The following NKAIN2 variants were observed in gnomAD, a reference collection of about 807,000 sequenced individuals.
NKAIN2 encodes the protein sodium/potassium-transporting ATPase subunit beta-1-interacting protein 2.
In NKAIN2, 14 loss-of-function variants were observed where a neutral mutation model predicts 32.6. The observed-to-expected ratio is 0.43, with a 90% confidence interval of 0.28 to 0.67. NKAIN2 has a LOEUF of 0.67. NKAIN2 is among the 30% of genes least tolerant of loss of function. NKAIN2 has a pLI of 0.17. For missense variants in NKAIN2, 198 were observed against 258.3 expected (o/e 0.77, Z 1.60); for synonymous variants, 80 against 87.2 (o/e 0.92, Z 0.46).
At chr6:123,870,626 T>C (rs548358943) in intron 1 of NKAIN2, among the ~76,000 whole-genome samples, 10 of 152,352 alleles carry the variant, frequency 6.6e-5, no homozygotes, top group African/African-American at 2.4e-4. Context: ...TATTAAACAC[T>C]GAATAAATGT....
intron 3 of NKAIN2, among the ~76,000 whole-genome samples, chr6:124,366,016 G>T (rs1799501561): frequency 6.6e-6 from 1 of 151,812 alleles, no homozygotes; most frequent in African/African-American, 2.4e-5. Flanking sequence ...CTTAAAGAGA[G>T]ATATTAAAAG....
chr6:124,028,800 T>C (rs139612798), intron 1 of NKAIN2, among the ~76,000 whole-genome samples: 3,520 of 147,622 alleles, frequency 0.024, 71 homozygotes, highest in Non-Finnish European at 0.034. Flanking sequence ...TACGTGTATA[T>C]ACGTATATAT....
At chr6:124,420,112 T>C (rs1049029386) in intron 3 of NKAIN2, among the ~76,000 whole-genome samples, 1 of 152,024 alleles carries the variant, frequency 6.6e-6, no homozygotes, top group Non-Finnish European at 1.5e-5. Context: ...AAAAGAAAAA[T>C]CAAACAATAA....
chr6:124,626,217 A>G (rs1223004180), intron 3 of NKAIN2, among the ~76,000 whole-genome samples: 1 of 151,374 alleles, frequency 6.6e-6, no homozygotes, highest in African/African-American at 2.4e-5. Context: ...AGTAATTGCC[A>G]TGGTCTGAAC....
intron 1 of NKAIN2, among the ~76,000 whole-genome samples, chr6:124,148,317 AT>A (rs2114375510): frequency 6.6e-6 from 1 of 152,058 alleles, no homozygotes; most frequent in African/African-American, 2.4e-5. Flanking sequence ...TTTTTAGTAT[AT>A]TTACAAAGTT....
chr6:124,257,245 A>G (rs922101067), intron 1 of NKAIN2, among the ~76,000 whole-genome samples: 19 of 152,044 alleles, frequency 1.2e-4, no homozygotes, highest in African/African-American at 4.6e-4. Flanking sequence ...GGGAATCTCT[A>G]GCTTCAAGCC....
chr6:124,017,792 C>G (rs777196525), intron 1 of NKAIN2, among the ~76,000 whole-genome samples: 1 of 152,094 alleles, frequency 6.6e-6, no homozygotes, highest in African/African-American at 2.4e-5. Flanking sequence ...CCCGACCCCC[C>G]GGCTGTTTTC....
chr6:123,923,133 C>CA (rs112831094), intron 1 of NKAIN2, among the ~76,000 whole-genome samples: 7,215 of 86,650 alleles, frequency 0.083, 391 homozygotes, highest in East Asian at 0.34. Flanking sequence ...CCAAAAAAAA[C>CA]AAAAAAAAGA....
chr6:124,136,310 T>C, intron 1 of NKAIN2, among the ~76,000 whole-genome samples: 1 of 151,958 alleles, frequency 6.6e-6, no homozygotes. Context: ...CCAGATTAAA[T>C]CAGGAATAAA....
At position 124,283,080 on chromosome 6, in the gene NKAIN2, A is replaced by C. The variant is rs1795379011; in HGVS notation, c.130A>C (p.Ile44Leu). ...ACCTATCCTGGCAAATTTTGTACAT[A>C]TTATTATCGTCATTCTTGGTTTGTT... is the stretch of plus-strand genomic sequence containing the variant. ...WAPILANFVH[I>L]IIVILGLFGT... The change falls in exon 2 of 7, where the codon ATT becomes CTT. Residue 44 changes from isoleucine to leucine, a missense_variant. Coordinates refer to ENST00000368417, the MANE Select transcript of NKAIN2 (RefSeq NM_001040214.3). 1 of 1,610,140 alleles carries C rather than the reference A, an allele frequency of 6.2e-7. No homozygotes were observed. The highest frequency in any genetic ancestry group is 1.7e-5 in the Admixed American group (1 of 59,986).
intron 1 of NKAIN2, among the ~76,000 whole-genome samples, chr6:123,887,881 C>A (rs1325338162): frequency 6.6e-6 from 1 of 152,062 alleles, no homozygotes; most frequent in Non-Finnish European, 1.5e-5. Context: ...GCCTCATTTT[C>A]TTGGTTCACA....
chr6:124,684,524 T>C (rs1583641057), intron 4 of NKAIN2, among the ~76,000 whole-genome samples: 2 of 152,182 alleles, frequency 1.3e-5, no homozygotes, highest in East Asian at 3.8e-4. Context: ...TTATACTACA[T>C]ATTATTCTAA....
chr6:124,195,383 A>G (rs1790266522), intron 1 of NKAIN2, among the ~76,000 whole-genome samples: 1 of 152,110 alleles, frequency 6.6e-6, no homozygotes, highest in Non-Finnish European at 1.5e-5. Flanking sequence ...ATCTCTTCAC[A>G]ATAGGAAACA....
intron 1 of NKAIN2, among the ~76,000 whole-genome samples, chr6:124,267,709 G>A (rs563482961): frequency 4.9e-4 from 75 of 152,172 alleles, no homozygotes; most frequent in Middle Eastern, 3.5e-3. Context: ...TATTTTTAAA[G>A]CAGTGATAGA....
intron 4 of NKAIN2, among the ~76,000 whole-genome samples, chr6:124,707,325 G>A (rs1361962202): frequency 6.6e-6 from 1 of 151,970 alleles, no homozygotes; most frequent in Non-Finnish European, 1.5e-5. Flanking sequence ...CTTTATAGCA[G>A]AATGATTTAT....
At chr6:124,484,109 ATAGT>A (rs1177005907) in intron 3 of NKAIN2, among the ~76,000 whole-genome samples, 1 of 152,198 alleles carries the variant, frequency 6.6e-6, no homozygotes. Context: ...TTTAAAGGAG[ATAGT>A]TGGACTGGAT....
chr6:123,919,009 C>A (rs991078265), intron 1 of NKAIN2, among the ~76,000 whole-genome samples: 7 of 152,080 alleles, frequency 4.6e-5, no homozygotes, highest in Non-Finnish European at 8.8e-5. Flanking sequence ...CTCTCTCTCT[C>A]TCAGAGATAT....
At chr6:123,846,838 A>T (rs1480652174) in intron 1 of NKAIN2, among the ~76,000 whole-genome samples, 1 of 67,378 alleles carries the variant, frequency 1.5e-5, no homozygotes, top group Non-Finnish European at 5.2e-5. Context: ...ACACACACGC[A>T]CGCGCGCACA....
chr6:123,923,649 G>C (rs962985194), intron 1 of NKAIN2, among the ~76,000 whole-genome samples: 1 of 151,472 alleles, frequency 6.6e-6, no homozygotes, highest in African/African-American at 2.4e-5. Context: ...TAGGGACATG[G>C]ATGAAATTGG....
Sources: gnomAD v4.1 joint callset for allele counts (sites outside exome capture counted in the v4.1 genomes callset) on GRCh38, gnomAD v4.1.1 for gene constraint, MANE v1.5 for transcripts, NCBI Gene and HGNC (gene_info 2026-07-23, HGNC 2026-07-21) for gene names.